DLGAP2: variants seen among roughly 807,000 people sequenced by gnomAD.
DLGAP2 encodes the protein DLG associated protein 2.
Under a neutral mutation model 100.3 loss-of-function variants are expected in DLGAP2, and 26 were observed. That is an observed-to-expected ratio of 0.26 (90% confidence interval 0.19 to 0.36). The LOEUF (loss-of-function observed/expected upper bound fraction) is 0.36. Ranked by LOEUF, DLGAP2 falls within the 10% of genes least tolerant of loss-of-function variation. The pLI is 1.00. For synonymous variants in DLGAP2, 886 were observed against 630.1 expected (o/e 1.41, Z -6.08); for missense variants, 1,858 against 1,453.2 (o/e 1.28, Z -4.53).
At chr8:1,352,313 G>A (rs933378449) in intron 3 of DLGAP2, among the ~76,000 whole-genome samples, 3 of 151,108 alleles carry the variant, frequency 2.0e-5, no homozygotes, top group Non-Finnish European at 1.5e-5. Context: ...GAAAGGCCGT[G>A]CGGGTCCTGA....
intron 12 of DLGAP2, chr8:1,680,880 A>T (rs535742267): frequency 2.6e-5 from 4 of 152,346 alleles, no homozygotes; most frequent in South Asian, 4.1e-4. Context: ...GCCAAATTAA[A>T]TTGCCAGCTC....
chr8:1,295,882 G>A lies in DLGAP2; in HGVS notation c.106+36999G>A, dbSNP rs1019575243. On this transcript the variant is annotated intron_variant, in intron 3 of 14. Transcript: ENST00000637795. ...TGGCACCTGCCTGGGAATTGGAAAC[G>A]ATTTCAGGAGCCTTAATTAATGAAG... is the stretch of plus-strand genomic sequence containing the variant. Among the ~76,000 whole-genome samples, 9 of 152,250 alleles carry A rather than the reference G, an allele frequency of 5.9e-5. No individual in the cohort carries two copies. The East Asian group carries it at 1.7e-3, about 30-fold the overall frequency.
rs994418934 is a variant in DLGAP2, at chr8:1,188,650, C to T, written c.74-70201C>T. Among the ~76,000 whole-genome samples, 8 of 152,196 alleles carry T rather than the reference C, an allele frequency of 5.3e-5. No individual in the cohort carries two copies. In the South Asian group the frequency reaches 8.3e-4, roughly 16 times the overall value. Reference sequence around the variant, plus strand: ...CTCACAGCTCCTCCCAATAGAACAGCGACTCATCCGCCCAGCACTCCGGGG... The same window carrying T: ...CTCACAGCTCCTCCCAATAGAACAGTGACTCATCCGCCCAGCACTCCGGGG... On this transcript the variant is annotated intron_variant, in intron 2 of 14. Transcript: ENST00000637795.
chr8:1,073,947 G>A (rs1316984061), intron 2 of DLGAP2, among the ~76,000 whole-genome samples: 2 of 152,226 alleles, frequency 1.3e-5, no homozygotes, highest in East Asian at 3.8e-4. Context: ...GTTTGCAGCA[G>A]AGTGAGGCTG....
At position 1,565,737 on chromosome 8, in the gene DLGAP2, C is replaced by T; in HGVS notation, c.1285C>T (p.Pro429Ser). 3.1e-6 allele frequency: 5 copies of T among 1,613,554 alleles called. No individual in the cohort carries two copies. Among genetic ancestry groups the T allele is most frequent in the Non-Finnish European group, 4.2e-6 (5 of 1,179,770 alleles). Residue 429 changes from proline to serine, a missense_variant, in exon 6 of 15, where the codon CCC becomes TCC. Physicochemically the swap from Pro to Ser is moderately conservative, Grantham distance 74. Transcript: ENST00000637795. ...YPTGGKDEEI[P>S]CRRMRSGSYI... ...CACCGGTGGCAAAGATGAGGAGATT[C>T]CCTGCAGGAGAATGAGAAGTGGGAG...
At chr8:883,849 T>C (rs1010570967) in intron 1 of DLGAP2, among the ~76,000 whole-genome samples, 1 of 152,240 alleles carries the variant, frequency 6.6e-6, no homozygotes, top group Non-Finnish European at 1.5e-5. Flanking sequence ...GTCATTGTGT[T>C]CTCATTGTTC....
intron 2 of DLGAP2, among the ~76,000 whole-genome samples, chr8:916,928 G>T (rs978055513): frequency 6.6e-6 from 1 of 152,198 alleles, no homozygotes; most frequent in Non-Finnish European, 1.5e-5. Flanking sequence ...CACACCCAGG[G>T]CTCAGCCTCT....
chr8:1,098,683 A>G (rs1345697098), intron 2 of DLGAP2, among the ~76,000 whole-genome samples: 9 of 115,202 alleles, frequency 7.8e-5, no homozygotes, highest in African/African-American at 3.5e-5. Context: ...CCGGCCGCCC[A>G]CGGGCGCCGC....
At chr8:1,549,815 T>G (rs969898760) in intron 5 of DLGAP2, 132 bp downstream of exon 5, 2 of 1,061,022 alleles carry the variant, frequency 1.9e-6, no homozygotes, top group Non-Finnish European at 2.6e-6. Context: ...GAGCTACGGA[T>G]ATGTTCTGGG....
chr8:1,382,756 C>G (rs983199326), intron 3 of DLGAP2, among the ~76,000 whole-genome samples: 1 of 152,070 alleles, frequency 6.6e-6, no homozygotes, highest in Admixed American at 6.5e-5. Context: ...GGGAAAAAAA[C>G]AAAAGAAATG....
intron 1 of DLGAP2, among the ~76,000 whole-genome samples, chr8:827,548 G>C (rs1196314315): frequency 7.9e-5 from 12 of 152,128 alleles, no homozygotes; most frequent in Admixed American, 3.3e-4. Context: ...CAATCTTCAT[G>C]CAGAACTTAG....
At chr8:1,175,058 T>G (rs1157267484) in intron 2 of DLGAP2, among the ~76,000 whole-genome samples, 1 of 152,210 alleles carries the variant, frequency 6.6e-6, no homozygotes, top group Non-Finnish European at 1.5e-5. Context: ...AAACTAAATT[T>G]AGTTTTCCAA....
chr8:1,483,725 A>G (rs113500907), intron 3 of DLGAP2, among the ~76,000 whole-genome samples: 1,651 of 8,924 alleles, frequency 0.19, 23 homozygotes, highest in African/African-American at 0.32. Flanking sequence ...GGGGACCAGG[A>G]AGGCAGGTGC....
chr8:789,213 C>G (rs529733427), intron 1 of DLGAP2, among the ~76,000 whole-genome samples: 4 of 152,146 alleles, frequency 2.6e-5, no homozygotes, highest in Non-Finnish European at 5.9e-5. Context: ...TGAAACTGGG[C>G]AATTTATGAA....
chr8:1,389,966 G>A (rs1016709840), intron 3 of DLGAP2, among the ~76,000 whole-genome samples: 10 of 152,068 alleles, frequency 6.6e-5, no homozygotes, highest in African/African-American at 2.2e-4. Context: ...TCCCTCACAC[G>A]TGAACAGGAG....
chr8:1,080,619 C>G (rs1010667181), intron 2 of DLGAP2, among the ~76,000 whole-genome samples: 1 of 152,170 alleles, frequency 6.6e-6, no homozygotes, highest in Non-Finnish European at 1.5e-5. Context: ...ACTCATCAGG[C>G]GGAACAGGGA....
At chr8:1,350,243 C>A (rs1261377999) in intron 3 of DLGAP2, among the ~76,000 whole-genome samples, 3 of 116,886 alleles carry the variant, frequency 2.6e-5, no homozygotes, top group Admixed American at 1.7e-4. Flanking sequence ...CGTGGAAAGG[C>A]CGTGCGGGTC....
chr8:1,100,056 G>A (rs554734767), intron 2 of DLGAP2, among the ~76,000 whole-genome samples: 99 of 152,354 alleles, frequency 6.5e-4, no homozygotes, highest in African/African-American at 2.3e-3. Flanking sequence ...GTAGTGTAAT[G>A]AATCTTGTGC....
chr8:828,132 A>C (rs1215217910), intron 1 of DLGAP2, among the ~76,000 whole-genome samples: 1 of 152,208 alleles, frequency 6.6e-6, no homozygotes, highest in Admixed American at 6.5e-5. Flanking sequence ...AAGCGAAATT[A>C]AAATTGCTAA....
Sources: gnomAD v4.1 joint callset for allele counts (sites outside exome capture counted in the v4.1 genomes callset) on GRCh38, gnomAD v4.1.1 for gene constraint, MANE v1.5 for transcripts, NCBI Gene and HGNC (gene_info 2026-07-23, HGNC 2026-07-21) for gene names.